Variants in ANO2 observed in about 807,000 individuals in gnomAD.
ANO2 encodes anoctamin-2.
In ANO2, 101 loss-of-function variants were observed where a neutral mutation model predicts 124.2. That is an observed-to-expected ratio of 0.81 (90% CI 0.69 to 0.96). The LOEUF (loss-of-function observed/expected upper bound fraction) is 0.96. Among genes scored for constraint, ANO2 ranks in the 40% least tolerant of loss-of-function variants. The probability of loss-of-function intolerance (pLI) is 0.00; values close to 1 mark genes in which losing one functional copy is unlikely to be tolerated. For synonymous variants in ANO2, 486 were observed against 482.5 expected, an observed-to-expected ratio of 1.01 and a Z score of -0.09; for missense variants, 1,293 against 1,274.5, an observed-to-expected ratio of 1.01 and a Z score of -0.22.
intron 14 of ANO2, among the ~76,000 whole-genome samples, chr12:5,696,961 C>G (rs965522882): frequency 4.6e-5 from 7 of 152,132 alleles, no homozygotes; most frequent in Non-Finnish European, 2.9e-5. Flanking sequence ...TTTCTGTAAT[C>G]TGATAAATGG....
At chr12:5,627,518 G>A (rs1418410657) in intron 16 of ANO2, among the ~76,000 whole-genome samples, 1 of 152,222 alleles carries the variant, frequency 6.6e-6, no homozygotes, top group Non-Finnish European at 1.5e-5. Context: ...AGGCTCCGCT[G>A]CAGAGAGCAG....
chr12:5,650,739 C>T (rs550798698), intron 14 of ANO2, among the ~76,000 whole-genome samples: 1 of 152,318 alleles, frequency 6.6e-6, no homozygotes, highest in Admixed American at 6.5e-5. Context: ...GGCTTGGAAC[C>T]AGGACATCCA....
chr12:5,597,189 C>A (rs1374384338), intron 20 of ANO2, among the ~76,000 whole-genome samples: 2 of 152,126 alleles, frequency 1.3e-5, no homozygotes, highest in Non-Finnish European at 2.9e-5. Flanking sequence ...CAGATTATTT[C>A]ATCACCCAGG....
Position 5,582,758 on chromosome 12 carries a change from A to G in ANO2, c.2234-4240T>C, listed in dbSNP as rs1489463217. Among the ~76,000 whole-genome samples the G allele has an allele frequency of 2.0e-5, 3 of 152,142 alleles. No individual in the cohort carries two copies. In the East Asian group the frequency reaches 5.8e-4, roughly 29 times the overall value. On this transcript the variant is annotated intron_variant, in intron 20 of 24. Transcript: ENST00000682330. ...CCATTTGTACTTCCCCAAACTCACC[A>G]TGATTTCTACATTTCTGAGCCTTGG...
intron 10 of ANO2, among the ~76,000 whole-genome samples, chr12:5,783,669 C>T (rs966899582): frequency 6.6e-6 from 1 of 152,184 alleles, no homozygotes; most frequent in African/African-American, 2.4e-5. Flanking sequence ...GCTGTGAAGT[C>T]ATCACTTCTG....
chr12:5,729,911 A>G (rs190551031), intron 14 of ANO2, among the ~76,000 whole-genome samples: 74 of 152,362 alleles, frequency 4.9e-4, no homozygotes, highest in African/African-American at 1.8e-3. Context: ...TAAGGACCGC[A>G]TATTCTATAA....
intron 14 of ANO2, among the ~76,000 whole-genome samples, chr12:5,709,436 G>A (rs1233735279): frequency 5.3e-5 from 8 of 152,146 alleles, no homozygotes; most frequent in African/African-American, 1.7e-4. Context: ...CTTCTCCTCA[G>A]TGTATTTTTT....
At chr12:5,844,950 GA>G (rs1344105232) in intron 4 of ANO2, among the ~76,000 whole-genome samples, 1 of 90,774 alleles carries the variant, frequency 1.1e-5, no homozygotes, top group Non-Finnish European at 2.2e-5. Context: ...GTTCAACCAT[GA>G]AATTTTTTTT....
intron 10 of ANO2, 27 bp from the exon 11 acceptor site, chr12:5,750,997 A>C: frequency 1.3e-6 from 2 of 1,567,912 alleles, no homozygotes; most frequent in Non-Finnish European, 1.7e-6. Flanking sequence ...AGAAAATGAA[A>C]CACATATTAA....
chr12:5,919,760 C>T (rs1941588858), intron 3 of ANO2, among the ~76,000 whole-genome samples: 1 of 151,472 alleles, frequency 6.6e-6, no homozygotes, highest in Non-Finnish European at 1.5e-5. Flanking sequence ...TGCAGTGGCG[C>T]GATCTCGGCT....
intron 7 of ANO2, among the ~76,000 whole-genome samples, chr12:5,820,926 A>G (rs1441150615): frequency 1.3e-5 from 2 of 152,220 alleles, no homozygotes; most frequent in African/African-American, 4.8e-5. Flanking sequence ...CTTTTCCTCC[A>G]TTCCTGTCCA....
intron 14 of ANO2, among the ~76,000 whole-genome samples, chr12:5,711,134 G>C (rs1479173471): frequency 2.0e-5 from 3 of 151,470 alleles, no homozygotes; most frequent in South Asian, 4.2e-4. Flanking sequence ...CTCCAGCCTG[G>C]GCGACAGAGC....
rs1010092382 is a variant in ANO2 at position 5,904,598 on chromosome 12, G to A, written c.534+16442C>T. Among the ~76,000 whole-genome samples, 1 of 152,184 alleles carries A rather than the reference G, an allele frequency of 6.6e-6. No homozygotes were observed. Among genetic ancestry groups the A allele is most frequent in the African/African-American group, 2.4e-5 (1 of 41,450 alleles). On this transcript the variant is annotated intron_variant, in intron 3 of 24. Coordinates refer to ENST00000682330, the MANE Select transcript of ANO2 (RefSeq NM_001364791.2). This position sits in a 1 kb window ranked among gnomAD's most constrained non-coding sequence, Gnocchi z 4.1. ...CACTCCACATCGTCCTGTCCTCCCTGCCAGAGCCCCAGGTGACCCTGGTAC... is the reference window on the plus strand; with the variant it reads ...CACTCCACATCGTCCTGTCCTCCCTACCAGAGCCCCAGGTGACCCTGGTAC...
intron 3 of ANO2, chr12:5,856,178 G>A (rs1955090712): frequency 6.6e-6 from 1 of 152,230 alleles, no homozygotes; most frequent in Non-Finnish European, 1.5e-5. Flanking sequence ...CAGAAATTAT[G>A]TTTTTGGTGA....
At chr12:5,619,057 T>C (rs2136915561) in intron 16 of ANO2, among the ~76,000 whole-genome samples, 1 of 152,282 alleles carries the variant, frequency 6.6e-6, no homozygotes, top group Admixed American at 6.5e-5. Flanking sequence ...CCAACAACCC[T>C]CTCACACTGC....
At chr12:5,911,119 C>A (rs1171925720) in intron 3 of ANO2, among the ~76,000 whole-genome samples, 1 of 152,178 alleles carries the variant, frequency 6.6e-6, no homozygotes, top group African/African-American at 2.4e-5. Context: ...CTTTTCTCAC[C>A]TCTGTTACTG....
chr12:5,903,393 T>A (rs986927081), intron 3 of ANO2, among the ~76,000 whole-genome samples: 9 of 152,204 alleles, frequency 5.9e-5, no homozygotes, highest in African/African-American at 2.2e-4. Flanking sequence ...GGACAAATAT[T>A]AAGCACCCAC....
chr12:5,630,632 T>C lies in ANO2; in HGVS notation c.1816+4520A>G, dbSNP rs142455616. 4.6e-5 allele frequency among the ~76,000 whole-genome samples: 7 copies of C among 152,364 alleles called. No homozygotes were observed. In the South Asian group the frequency reaches 8.3e-4, roughly 18 times the overall value. On this transcript the variant is annotated intron_variant, in intron 16 of 24. Transcript: ENST00000682330. ...TTAAAAGATACCTAGCCTATGGGCA[T>C]TCCTTGAAAAATGTCTTTTTACATG...
At chr12:5,595,359 C>G (rs1379658472) in intron 20 of ANO2, among the ~76,000 whole-genome samples, 1 of 146,036 alleles carries the variant, frequency 6.8e-6, no homozygotes, top group Non-Finnish European at 1.5e-5. Context: ...CAACACTACA[C>G]TCTACTGTTT....
Sources: gnomAD v4.1 joint callset for allele counts (sites outside exome capture counted in the v4.1 genomes callset) on GRCh38, gnomAD v4.1.1 for gene constraint, Gnocchi (gnomAD v3.1) non-coding constraint, MANE v1.5 for transcripts, NCBI Gene and HGNC (gene_info 2026-07-23, HGNC 2026-07-21) for gene names.